The following PLAG1 variants were observed in gnomAD, a reference collection of about 807,000 sequenced individuals.
PLAG1 encodes the protein zinc finger protein PLAG1.
PLAG1 carries 7 observed loss-of-function variants against 35.5 expected under a neutral mutation model. The observed-to-expected ratio is 0.20, with a 90% CI of 0.11 to 0.37. The LOEUF (loss-of-function observed/expected upper bound fraction) is 0.37. Among genes scored for constraint, PLAG1 ranks in the 10% least tolerant of loss-of-function variants. The pLI is 1.00. For missense variants in PLAG1, 454 were observed against 602.8 expected (o/e 0.75, Z 2.58); for synonymous variants, 229 against 225.4 (o/e 1.02, Z -0.14).
intron 1 of PLAG1, among the ~76,000 whole-genome samples, chr8:56,196,945 AGTGTGCGTGTGTGTGTGTGT>A (rs1324443449): frequency 1.6e-3 from 132 of 84,200 alleles, no homozygotes; most frequent in African/African-American, 5.3e-3. Flanking sequence ...CTCCCTCCCT[AGTGTGCGTGTGTGTGTGTGT>A]GTGTGTGTGT....
Position 56,166,314 on chromosome 8 carries a change from G to A in PLAG1, c.1432C>T (p.Leu478=), listed in dbSNP as rs750003428. ...NTIGLGSLHS[L]SAAFTSSLST... is the part of the protein sequence containing the mutation. Reference sequence around the variant, plus strand: ...AAACTGCTGGTGAAAGCTGCTGACAGTGAGTGCAGAGACCCAAGCCCTATA... The same window carrying A: ...AAACTGCTGGTGAAAGCTGCTGACAATGAGTGCAGAGACCCAAGCCCTATA... The change falls in exon 5 of 5, where the codon CTG becomes TTG. Residue 478 remains leucine (L), a synonymous_variant. Transcript: ENST00000316981. 18 of 1,613,078 alleles carry A rather than the reference G, an allele frequency of 1.1e-5. No individual in the cohort carries two copies. The highest frequency in any genetic ancestry group is 1.6e-4 in the Middle Eastern group (1 of 6,070).
intron 1 of PLAG1, among the ~76,000 whole-genome samples, chr8:56,200,087 C>A (rs567883509): frequency 2.6e-5 from 4 of 152,288 alleles, no homozygotes; most frequent in African/African-American, 9.6e-5. Context: ...GACACCCTGA[C>A]ACTCAACTGC....
At chr8:56,188,843 G>A (rs1280646035) in intron 1 of PLAG1, among the ~76,000 whole-genome samples, 2 of 152,206 alleles carry the variant, frequency 1.3e-5, no homozygotes, top group African/African-American at 4.8e-5. Context: ...GTGATTCGCT[G>A]ACCAGTGGTG....
At position 56,198,029 on chromosome 8, in the gene PLAG1, C is replaced by T. The variant is rs548837090; in HGVS notation, c.-322+13092G>A. The stretch of plus-strand genomic sequence containing the variant: ...CTCCTACTGACTTCTCCCTGGAACT[C>T]ATGTCGTCCCAGACACCCTCTGGAA... On this transcript the variant is annotated intron_variant, in intron 1 of 4. Transcript: ENST00000316981. 2.0e-5 allele frequency among the ~76,000 whole-genome samples: 3 copies of T among 152,308 alleles called. No homozygotes were observed. The East Asian group carries it at 5.8e-4, about 29-fold the overall frequency.
intron 1 of PLAG1, among the ~76,000 whole-genome samples, chr8:56,191,274 C>A (rs569969098): frequency 1.3e-5 from 2 of 152,176 alleles, no homozygotes; most frequent in South Asian, 4.1e-4. Flanking sequence ...CAGGAGCCAG[C>A]GGTGGCAGCA....
chr8:56,193,886 T>G (rs773703468), intron 1 of PLAG1, among the ~76,000 whole-genome samples: 5 of 151,834 alleles, frequency 3.3e-5, no homozygotes, highest in African/African-American at 4.8e-5. Flanking sequence ...ACCTGGGTAA[T>G]TTTTTGTATT....
At chr8:56,203,841 ATT>A (rs1812627070) in intron 1 of PLAG1, among the ~76,000 whole-genome samples, 2 of 152,160 alleles carry the variant, frequency 1.3e-5, no homozygotes, top group South Asian at 4.1e-4. Context: ...CTAGATTGAA[ATT>A]TATACAATTA....
chr8:56,165,231 C>T lies in PLAG1; in HGVS notation c.*1012G>A, dbSNP rs1418729145. ...TTCCCAAATGTAACCATGTGCTTCACGTCTATCTTCCTGCTTAGAAGTCTG... is the reference window on the plus strand; with the variant it reads ...TTCCCAAATGTAACCATGTGCTTCATGTCTATCTTCCTGCTTAGAAGTCTG... On this transcript the variant is annotated 3_prime_UTR_variant, in exon 5 of 5. Transcript: ENST00000316981. The T allele has an allele frequency of 2.3e-5, 5 of 213,342 alleles. No homozygotes were observed. Among genetic ancestry groups the T allele is most frequent in the Non-Finnish European group, 4.7e-5 (5 of 105,420 alleles). The allele number at this position is 213,342 out of a possible 1,614,324, so 13.2% of individuals were successfully genotyped here. A position where few individuals can be genotyped will look rare whatever the true frequency, so the allele number is the denominator to read the frequency against.
At chr8:56,175,743 G>A (rs1358374818) in intron 2 of PLAG1, among the ~76,000 whole-genome samples, 1 of 152,000 alleles carries the variant, frequency 6.6e-6, no homozygotes, top group Non-Finnish European at 1.5e-5. Flanking sequence ...GAGAAGTGAG[G>A]GGAAAAATGG....
At position 56,170,185 on chromosome 8, in the gene PLAG1, T is replaced by G. The variant is rs1811480247; in HGVS notation, c.-118+906A>C. On this transcript the variant is annotated intron_variant, in intron 3 of 4. Transcript: ENST00000316981. Reference sequence around the variant, plus strand: ...TCATCAGTACTTGCTTCAGGTGTCTTTCTTTATTAGGTAGATACAGGCAAG... The same window carrying G: ...TCATCAGTACTTGCTTCAGGTGTCTGTCTTTATTAGGTAGATACAGGCAAG... Among the ~76,000 whole-genome samples, 3 of 152,348 alleles carry G rather than the reference T, an allele frequency of 2.0e-5. No homozygotes were observed. The South Asian group carries it at 6.2e-4, about 32-fold the overall frequency.
At chr8:56,188,426 T>C (rs78649452) in intron 1 of PLAG1, among the ~76,000 whole-genome samples, 211 of 152,330 alleles carry the variant, frequency 1.4e-3, no homozygotes, top group South Asian at 7.0e-3. Flanking sequence ...AATTATTACG[T>C]GTATATTTTT....
chr8:56,187,776 G>A (rs975373156), intron 1 of PLAG1, among the ~76,000 whole-genome samples: 8 of 152,144 alleles, frequency 5.3e-5, no homozygotes, highest in African/African-American at 1.7e-4. Context: ...TGTATTAAAA[G>A]TGATATTTGG....
intron 1 of PLAG1, among the ~76,000 whole-genome samples, chr8:56,194,135 G>A (rs1057136473): frequency 7.9e-5 from 12 of 151,822 alleles, no homozygotes; most frequent in African/African-American, 2.9e-4. Flanking sequence ...CCAACATAGC[G>A]AAACCCCATC....
chr8:56,197,070 C>A (rs949441794), intron 1 of PLAG1, among the ~76,000 whole-genome samples: 2 of 151,922 alleles, frequency 1.3e-5, no homozygotes, highest in Non-Finnish European at 2.9e-5. Flanking sequence ...GTCTCTCCCC[C>A]CAACTCTGGG....
chr8:56,179,984 C>A (rs1206977808), intron 1 of PLAG1, among the ~76,000 whole-genome samples: 2 of 152,018 alleles, frequency 1.3e-5, no homozygotes, highest in African/African-American at 4.8e-5. Context: ...CACTGAGCAC[C>A]CTCAAGCAGA....
intron 1 of PLAG1, among the ~76,000 whole-genome samples, chr8:56,189,935 C>T (rs1266529454): frequency 1.3e-5 from 2 of 152,026 alleles, no homozygotes; most frequent in Admixed American, 6.6e-5. Context: ...AGGCTGGAGT[C>T]GACTGAAGGC....
At chr8:56,189,201 G>A (rs930253296) in intron 1 of PLAG1, among the ~76,000 whole-genome samples, 1 of 152,244 alleles carries the variant, frequency 6.6e-6, no homozygotes, top group African/African-American at 2.4e-5. Flanking sequence ...GAAGAAAACA[G>A]TTGTCCAATC....
intron 1 of PLAG1, among the ~76,000 whole-genome samples, chr8:56,192,184 C>T (rs1283939814): frequency 6.6e-6 from 1 of 152,176 alleles, no homozygotes; most frequent in Non-Finnish European, 1.5e-5. Flanking sequence ...CCAGCGACAG[C>T]GACTGTAAGT....
At chr8:56,193,736 C>T (rs1291531652) in intron 1 of PLAG1, among the ~76,000 whole-genome samples, 1 of 138,350 alleles carries the variant, frequency 7.2e-6, no homozygotes, top group Non-Finnish European at 1.5e-5. Flanking sequence ...CTCACTCTGT[C>T]GCCCAGGCTG....
Sources: gnomAD v4.1 joint callset for allele counts (sites outside exome capture counted in the v4.1 genomes callset) on GRCh38, gnomAD v4.1.1 for gene constraint, MANE v1.5 for transcripts, NCBI Gene and HGNC (gene_info 2026-07-23, HGNC 2026-07-21) for gene names.